Variants in LIPC observed in about 807,000 individuals in gnomAD.
LIPC encodes the protein hepatic triacylglycerol lipase.
LIPC carries 44 observed loss-of-function variants against 50.7 expected under a neutral mutation model. That is an observed-to-expected ratio of 0.87 (90% CI 0.68 to 1.11). The LOEUF (loss-of-function observed/expected upper bound fraction) is 1.11, where lower values mean the gene tolerates loss of function less well. Among genes scored for constraint, LIPC ranks in the 50% most tolerant of loss-of-function variants. The pLI is 0.00. For missense variants in LIPC, 697 were observed against 648.2 expected, an observed-to-expected ratio of 1.08 and a Z score of -0.82; for synonymous variants, 271 against 256.4, an observed-to-expected ratio of 1.06 and a Z score of -0.54.
At chr15:58,545,217 G>C (rs1175048824) in intron 4 of LIPC, among the ~76,000 whole-genome samples, 1 of 151,988 alleles carries the variant, frequency 6.6e-6, no homozygotes, top group Non-Finnish European at 1.5e-5. Context: ...AGTAAATCAA[G>C]CATTCCCTCA....
At chr15:58,506,614 T>C (rs12900448) in intron 1 of LIPC, among the ~76,000 whole-genome samples, 119,736 of 152,184 alleles carry the variant, frequency 0.79, 47,424 homozygotes, top group African/African-American at 0.88. Flanking sequence ...TTTCTTTCTC[T>C]ACATGATACA....
At chr15:58,490,094 C>T (rs2140803470) in intron 1 of LIPC, among the ~76,000 whole-genome samples, 1 of 152,278 alleles carries the variant, frequency 6.6e-6, no homozygotes, top group South Asian at 2.1e-4. Context: ...CAGTCTGAGA[C>T]AGGATTTACT....
intron 4 of LIPC, 112 bp from the exon 5 acceptor site, chr15:58,545,630 T>C (rs910732806): frequency 6.6e-6 from 6 of 909,164 alleles, no homozygotes; most frequent in Non-Finnish European, 1.0e-5. Flanking sequence ...GCCCTACGTG[T>C]TTCTTCTTCC....
intron 7 of LIPC, 23 bp downstream of exon 7, chr15:58,561,004 T>C (rs1894141893): frequency 1.0e-6 from 1 of 967,450 alleles, no homozygotes; most frequent in Non-Finnish European, 1.6e-6. Context: ...TGTAGCCCCC[T>C]AGGGTGATGA....
At chr15:58,527,513 G>T (rs1399037216) in intron 1 of LIPC, among the ~76,000 whole-genome samples, 2 of 152,138 alleles carry the variant, frequency 1.3e-5, no homozygotes, top group Non-Finnish European at 2.9e-5. Context: ...AAATTCCCAA[G>T]ATTATCTGAG....
chr15:58,510,754 AAT>A, intron 1 of LIPC, among the ~76,000 whole-genome samples: 1 of 152,386 alleles, frequency 6.6e-6, no homozygotes, highest in Admixed American at 6.5e-5. Context: ...TATGTTAAAC[AAT>A]GGTATATCAT....
chr15:58,493,544 CAAAATTTATTACATATAAATAAAATTTAT>C (rs1891658752), intron 1 of LIPC, among the ~76,000 whole-genome samples: 1 of 27,240 alleles, frequency 3.7e-5, no homozygotes, highest in African/African-American at 1.0e-4. Context: ...TGTATATATA[CAAAATTTATTACATATAAATAAAATTTAT>C]ACAAAATTTA....
rs775579301 is a variant in LIPC at position 58,493,478 on chromosome 15, TATA to T, written c.89-44854_89-44852del. Among the ~76,000 whole-genome samples, 386 of 150,238 alleles carry T rather than the reference TATA, an allele frequency of 2.6e-3. 9 individuals carry two copies. Among genetic ancestry groups the T allele is most frequent in the South Asian group, 0.017 (80 of 4,680 alleles). ...TGCCATTCACAATTTAAAATATATA[TATA>T]TTTTTTTGTGTATATATACATATAT... On this transcript the variant is annotated intron_variant, in intron 1 of 8. Transcript: ENST00000299022.
chr15:58,458,087 C>G (rs1268679895), intron 1 of LIPC, among the ~76,000 whole-genome samples: 1 of 152,010 alleles, frequency 6.6e-6, no homozygotes, highest in Non-Finnish European at 1.5e-5. Flanking sequence ...CCTTGCTGTC[C>G]TTAGTAGCTA....
At chr15:58,560,264 A>C (rs7179747) in intron 6 of LIPC, among the ~76,000 whole-genome samples, 144,428 of 152,242 alleles carry the variant, frequency 0.95, 68,716 homozygotes, top group Middle Eastern at 0.99. Flanking sequence ...AAACAGAAAG[A>C]TTTTAGGCCC....
At position 58,520,518 on chromosome 15, in the gene LIPC, A is replaced by T. The variant is rs1029990409; in HGVS notation, c.89-17815A>T. 1.4e-4 allele frequency among the ~76,000 whole-genome samples: 22 copies of T among 152,324 alleles called. No individual in the cohort carries two copies. In the East Asian group the frequency reaches 3.9e-3, roughly 27 times the overall value. On this transcript the variant is annotated intron_variant, in intron 1 of 8. Transcript: ENST00000299022. ...TTCGAAACCCCAGCACACAGAGGTG[A>T]GTGTGAGCACAGCTCAACAGTATAC...
At chr15:58,508,045 G>T (rs905735790) in intron 1 of LIPC, among the ~76,000 whole-genome samples, 1 of 152,204 alleles carries the variant, frequency 6.6e-6, no homozygotes, top group African/African-American at 2.4e-5. Context: ...ACAAAATACT[G>T]TCCAGGTGTG....
chr15:58,498,105 CAATT>C (rs1260906992), intron 1 of LIPC, among the ~76,000 whole-genome samples: 2 of 152,088 alleles, frequency 1.3e-5, no homozygotes, highest in African/African-American at 4.8e-5. Flanking sequence ...ACCATGATTA[CAATT>C]AATTAAGAAA....
In LIPC at chr15:58,468,538, C is replaced by A. The variant is rs546154159; in HGVS notation, c.88+36418C>A. Among the ~76,000 whole-genome samples, 5 of 152,320 alleles carry A rather than the reference C, an allele frequency of 3.3e-5. No individual in the cohort carries two copies. The South Asian group carries it at 8.3e-4, about 25-fold the overall frequency. On this transcript the variant is annotated intron_variant, in intron 1 of 8. Coordinates refer to ENST00000299022, the MANE Select transcript of LIPC (RefSeq NM_000236.3). Reference sequence around the variant, plus strand: ...TTTGGATCTAGCCCTGCCGCCCACTCGAGATGGATGGTCCACAAATCTCAA... The same window carrying A: ...TTTGGATCTAGCCCTGCCGCCCACTAGAGATGGATGGTCCACAAATCTCAA...
At chr15:58,457,127 G>A (rs1486019022) in intron 1 of LIPC, among the ~76,000 whole-genome samples, 1 of 152,070 alleles carries the variant, frequency 6.6e-6, no homozygotes, top group Non-Finnish European at 1.5e-5. Flanking sequence ...ATTATTTTTT[G>A]AGACGGAGTT....
intron 8 of LIPC, among the ~76,000 whole-genome samples, chr15:58,568,448 C>G (rs553238605): frequency 6.6e-6 from 1 of 152,194 alleles, no homozygotes; most frequent in South Asian, 2.1e-4. Flanking sequence ...TAGGGGAGAA[C>G]AAAGGAGGGC....
chr15:58,437,949 G>C (rs541347634), intron 1 of LIPC, among the ~76,000 whole-genome samples: 1 of 152,156 alleles, frequency 6.6e-6, no homozygotes, highest in Non-Finnish European at 1.5e-5. Context: ...AGAGACGGGG[G>C]ACAGCAGCCT....
rs571363630 is a variant in LIPC, at chr15:58,545,146, T to C, written c.575-596T>C. 3.9e-5 allele frequency among the ~76,000 whole-genome samples: 6 copies of C among 152,352 alleles called. No homozygotes were observed. The South Asian group carries it at 1.2e-3, about 32-fold the overall frequency. Reference sequence around the variant, plus strand: ...ACTTATAATGAGCATATTGGCTTTTTTTGTATGCAAACAGATGGTCTTGAA... The same window carrying C: ...ACTTATAATGAGCATATTGGCTTTTCTTGTATGCAAACAGATGGTCTTGAA... On this transcript the variant is annotated intron_variant, in intron 4 of 8. Coordinates refer to ENST00000299022, the MANE Select transcript of LIPC (RefSeq NM_000236.3).
intron 1 of LIPC, chr15:58,436,541 TA>T (rs1893303487): frequency 3.5e-6 from 1 of 288,258 alleles, no homozygotes; most frequent in Non-Finnish European, 7.0e-6. Context: ...ATCGAGAAAG[TA>T]GTGATGATTG....
Sources: gnomAD v4.1 joint callset for allele counts (sites outside exome capture counted in the v4.1 genomes callset) on GRCh38, gnomAD v4.1.1 for gene constraint, MANE v1.5 for transcripts, NCBI Gene and HGNC (gene_info 2026-07-23, HGNC 2026-07-21) for gene names.